Variants in MARCHF3 observed in about 807,000 individuals in gnomAD.
The protein encoded by MARCHF3 is membrane associated ring-CH-type finger 3, also known as E3 ubiquitin-protein ligase MARCHF3.
MARCHF3 carries 13 observed loss-of-function variants against 24.2 expected under a neutral mutation model. The observed-to-expected ratio is 0.54, with a 90% CI of 0.35 to 0.85. MARCHF3 has a LOEUF of 0.85. MARCHF3 is among the 40% of genes least tolerant of loss of function. The pLI, the probability that MARCHF3 is intolerant of heterozygous loss-of-function variation, is 0.01. For synonymous variants in MARCHF3, 144 were observed against 137.3 expected (o/e 1.05, Z -0.34); for missense variants, 276 against 325.0 (o/e 0.85, Z 1.16).
chr5:126,933,738 C>T (rs1242981001), intron 1 of MARCHF3, among the ~76,000 whole-genome samples: 3 of 152,122 alleles, frequency 2.0e-5, no homozygotes. Flanking sequence ...GCCACTGCAC[C>T]CAGCCTCTCT....
intron 1 of MARCHF3, among the ~76,000 whole-genome samples, chr5:126,989,176 A>T (rs1195723706): frequency 6.6e-6 from 1 of 151,890 alleles, no homozygotes; most frequent in Non-Finnish European, 1.5e-5. Flanking sequence ...CTACTCAGGA[A>T]GCTGAGGTGG....
intron 3 of MARCHF3, among the ~76,000 whole-genome samples, chr5:126,881,866 G>C (rs556441742): frequency 6.6e-6 from 1 of 152,270 alleles, no homozygotes; most frequent in East Asian, 1.9e-4. Flanking sequence ...GAGAGAGACA[G>C]ACACACAGAG....
At chr5:127,018,218 A>G (rs939373696) in intron 1 of MARCHF3, among the ~76,000 whole-genome samples, 3 of 152,078 alleles carry the variant, frequency 2.0e-5, no homozygotes, top group Non-Finnish European at 2.9e-5. Flanking sequence ...TAAAAATACA[A>G]AAATTAGCCA....
chr5:127,022,231 A>T (rs12656537), intron 1 of MARCHF3, among the ~76,000 whole-genome samples: 1 of 152,222 alleles, frequency 6.6e-6, no homozygotes, highest in Non-Finnish European at 1.5e-5. Flanking sequence ...GTAATATCCC[A>T]TCGGAAAATC....
chr5:126,893,967 G>T (rs1753783383), intron 3 of MARCHF3, among the ~76,000 whole-genome samples: 3 of 117,942 alleles, frequency 2.5e-5, no homozygotes, highest in East Asian at 2.4e-4. Context: ...TATGAATCTG[G>T]GTGCTCCTGT....
chr5:126,884,438 T>C (rs969195382), intron 3 of MARCHF3, among the ~76,000 whole-genome samples: 1 of 152,188 alleles, frequency 6.6e-6, no homozygotes, highest in Non-Finnish European at 1.5e-5. Context: ...TGCTCATGCT[T>C]TGGCCTCTCT....
chr5:126,909,487 G>C (rs1468066569), intron 3 of MARCHF3, among the ~76,000 whole-genome samples: 1 of 152,254 alleles, frequency 6.6e-6, no homozygotes, highest in Non-Finnish European at 1.5e-5. Flanking sequence ...GTGGGCGTAG[G>C]ACCCTCCGAG....
At chr5:126,920,531 A>C (rs1749073797) in intron 1 of MARCHF3, among the ~76,000 whole-genome samples, 1 of 152,060 alleles carries the variant, frequency 6.6e-6, no homozygotes, top group Non-Finnish European at 1.5e-5. Flanking sequence ...GTCTAGATGC[A>C]CTCTGAGAGT....
At chr5:126,887,194 C>A (rs145311685) in intron 3 of MARCHF3, among the ~76,000 whole-genome samples, 3 of 152,190 alleles carry the variant, frequency 2.0e-5, no homozygotes, top group East Asian at 1.9e-4. Flanking sequence ...TAGTTTAGCC[C>A]AGGTGTTTGT....
At chr5:126,935,030 T>C (rs1401874225) in intron 1 of MARCHF3, among the ~76,000 whole-genome samples, 4 of 152,212 alleles carry the variant, frequency 2.6e-5, no homozygotes, top group Non-Finnish European at 4.4e-5. Flanking sequence ...TATTAGGTGA[T>C]TGAGCTTTTA....
chr5:126,931,570 TACACACACAC>T (rs57567399), intron 1 of MARCHF3, among the ~76,000 whole-genome samples: 1,961 of 142,876 alleles, frequency 0.014, 51 homozygotes, highest in African/African-American at 0.048. Context: ...CATACATGAA[TACACACACAC>T]ACACACACAC....
At chr5:126,963,870 T>C (rs539277672) in intron 1 of MARCHF3, among the ~76,000 whole-genome samples, 2 of 152,290 alleles carry the variant, frequency 1.3e-5, no homozygotes, top group Non-Finnish European at 2.9e-5. Context: ...CATTCTTTCT[T>C]AGTCTCCATG....
At chr5:126,989,586 G>T (rs925607754) in intron 1 of MARCHF3, among the ~76,000 whole-genome samples, 1 of 152,150 alleles carries the variant, frequency 6.6e-6, no homozygotes, top group Non-Finnish European at 1.5e-5. Context: ...TAGCTCCACA[G>T]GCAGGGGCAC....
intron 3 of MARCHF3, among the ~76,000 whole-genome samples, chr5:126,883,193 G>C (rs965845798): frequency 6.6e-6 from 1 of 152,148 alleles, no homozygotes; most frequent in African/African-American, 2.4e-5. Flanking sequence ...AGTCTTCAGC[G>C]TATACTTGGT....
intron 1 of MARCHF3, among the ~76,000 whole-genome samples, chr5:127,005,720 T>C (rs1752290183): frequency 6.6e-6 from 1 of 152,056 alleles, no homozygotes; most frequent in Non-Finnish European, 1.5e-5. Flanking sequence ...AGAGTAGAAA[T>C]CTTCAAAATT....
At chr5:126,953,458 A>T (rs1252868308) in intron 1 of MARCHF3, among the ~76,000 whole-genome samples, 1 of 152,186 alleles carries the variant, frequency 6.6e-6, no homozygotes, top group Non-Finnish European at 1.5e-5. Context: ...CAAAAAAAAA[A>T]TCACAATCTT....
intron 1 of MARCHF3, among the ~76,000 whole-genome samples, chr5:126,938,908 A>C (rs563050509): frequency 6.6e-6 from 1 of 152,218 alleles, no homozygotes; most frequent in Non-Finnish European, 1.5e-5. Context: ...AAAACCATAT[A>C]GTGATTTCCT....
chr5:127,021,156 G>A (rs1404732564), intron 1 of MARCHF3, among the ~76,000 whole-genome samples: 1 of 151,832 alleles, frequency 6.6e-6, no homozygotes, highest in Non-Finnish European at 1.5e-5. Flanking sequence ...GTTTTAAAAA[G>A]TGAAAATATT....
chr5:127,004,259 G>T (rs181626605), intron 1 of MARCHF3, among the ~76,000 whole-genome samples: 1 of 152,230 alleles, frequency 6.6e-6, no homozygotes, highest in African/African-American at 2.4e-5. Context: ...GCAAAACGGG[G>T]CTGTGCCTTT....
Sources: gnomAD v4.1 joint callset for allele counts (sites outside exome capture counted in the v4.1 genomes callset) on GRCh38, gnomAD v4.1.1 for gene constraint, MANE v1.5 for transcripts, NCBI Gene and HGNC (gene_info 2026-07-23, HGNC 2026-07-21) for gene names.